The following PIK3C2G variants were observed in gnomAD, a reference collection of about 807,000 sequenced individuals.
PIK3C2G encodes phosphatidylinositol-4-phosphate 3-kinase catalytic subunit type 2 gamma, also known as phosphatidylinositol 3-kinase C2 domain-containing subunit gamma.
In PIK3C2G, 168 loss-of-function variants were observed where a neutral mutation model predicts 181.1. The observed-to-expected ratio is 0.93, with a 90% confidence interval of 0.82 to 1.05. PIK3C2G has a LOEUF of 1.05. PIK3C2G is among the 50% of genes least tolerant of loss of function. PIK3C2G has a pLI of 0.00. For missense variants in PIK3C2G, 1,869 were observed against 1,732.8 expected (o/e 1.08, Z -1.40); for synonymous variants, 573 against 592.2 (o/e 0.97, Z 0.47).
At chr12:18,394,073 A>T (rs1222036434) in intron 15 of PIK3C2G, among the ~76,000 whole-genome samples, 3 of 152,068 alleles carry the variant, frequency 2.0e-5, no homozygotes, top group Non-Finnish European at 4.4e-5. Context: ...AATAAATGTG[A>T]TTTGAGAAGC....
upstream of PIK3C2G, among the ~76,000 whole-genome samples, chr12:18,256,572 G>A (rs753018214): frequency 2.0e-5 from 3 of 151,970 alleles, no homozygotes; most frequent in Admixed American, 6.6e-5. Context: ...ATTTACTGCC[G>A]GCCCTCCTTT....
At position 18,359,203 on chromosome 12, in the gene PIK3C2G, C is replaced by T. The variant is rs74780550; in HGVS notation, c.1626-3561C>T. On this transcript the variant is annotated intron_variant, in intron 11 of 32. Coordinates refer to ENST00000538779, the MANE Select transcript of PIK3C2G (RefSeq NM_001288772.2). Reference sequence around the variant, plus strand: ...TTCTTCTTTGAACTGTTGGTTTTGCCGGAGTGTGTTGTTTAATTTCCACCT... The same window carrying T: ...TTCTTCTTTGAACTGTTGGTTTTGCTGGAGTGTGTTGTTTAATTTCCACCT... 3.6e-3 allele frequency among the ~76,000 whole-genome samples: 552 copies of T among 152,266 alleles called. 3 individuals are homozygous for T. The highest frequency in any genetic ancestry group is 0.012 in the African/African-American group (518 of 41,552).
intron 7 of PIK3C2G, 48 bp from the exon 8 acceptor site, chr12:18,324,987 A>C (rs772780048): frequency 2.1e-6 from 2 of 935,908 alleles, no homozygotes; most frequent in East Asian, 5.0e-5. Flanking sequence ...AGGTAATATA[A>C]GTTTTCCCAC....
At chr12:18,394,793 G>A (rs1033389584) in intron 15 of PIK3C2G, among the ~76,000 whole-genome samples, 2 of 151,748 alleles carry the variant, frequency 1.3e-5, no homozygotes, top group African/African-American at 2.4e-5. Context: ...TAATGAGAGC[G>A]CCTTGTAACC....
intron 26 of PIK3C2G, among the ~76,000 whole-genome samples, chr12:18,548,422 C>T (rs1944550639): frequency 6.6e-6 from 1 of 151,960 alleles, no homozygotes; most frequent in Non-Finnish European, 1.5e-5. Flanking sequence ...CAGGCCCTGG[C>T]CAAAAGAGAA....
At chr12:18,464,409 T>C (rs1937631714) in intron 18 of PIK3C2G, among the ~76,000 whole-genome samples, 1 of 152,066 alleles carries the variant, frequency 6.6e-6, no homozygotes. Flanking sequence ...TTTCAGCATA[T>C]GCATTTGGGG....
At chr12:18,639,773 G>T (rs1437790773) in intron 31 of PIK3C2G, among the ~76,000 whole-genome samples, 1 of 152,084 alleles carries the variant, frequency 6.6e-6, no homozygotes. Context: ...TGGAGGTCCA[G>T]AGATCCACCC....
intron 13 of PIK3C2G, 98 bp downstream of exon 13, chr12:18,371,409 C>A: frequency 1.0e-6 from 1 of 984,322 alleles, no homozygotes; most frequent in Non-Finnish European, 1.4e-6. Context: ...GAAATCAAGA[C>A]ATTTTATTCT....
chr12:18,400,213 C>T (rs1944168030), intron 16 of PIK3C2G, among the ~76,000 whole-genome samples: 1 of 151,908 alleles, frequency 6.6e-6, no homozygotes, highest in African/African-American at 2.4e-5. Flanking sequence ...CAAAGTTTAG[C>T]AAAATGCCCT....
intron 11 of PIK3C2G, among the ~76,000 whole-genome samples, chr12:18,361,705 G>A (rs1941251428): frequency 6.6e-6 from 1 of 152,132 alleles, no homozygotes. Flanking sequence ...GTGTCTGTCT[G>A]TGGTACTGCA....
At chr12:18,338,665 G>C (rs748140688) in intron 9 of PIK3C2G, 117 bp downstream of exon 9, 852 of 39,694 alleles carry the variant, frequency 0.021, no homozygotes, top group Non-Finnish European at 0.029. Flanking sequence ...GTGTGTATCT[G>C]TGTGTGTGTG....
At chr12:18,428,391 C>T (rs889281607) in intron 18 of PIK3C2G, among the ~76,000 whole-genome samples, 35 of 149,516 alleles carry the variant, frequency 2.3e-4, no homozygotes, top group Non-Finnish European at 1.9e-4. Flanking sequence ...TTTTTTTTCA[C>T]GTGGATGAAT....
intron 8 of PIK3C2G, among the ~76,000 whole-genome samples, chr12:18,338,047 C>T (rs190024857): frequency 2.0e-5 from 3 of 152,214 alleles, no homozygotes; most frequent in Non-Finnish European, 4.4e-5. Flanking sequence ...TTTGTGGAAA[C>T]CACAGACTTT....
chr12:18,476,338 G>A (rs1402288944), intron 18 of PIK3C2G, among the ~76,000 whole-genome samples: 3 of 152,122 alleles, frequency 2.0e-5, no homozygotes, highest in African/African-American at 7.2e-5. Flanking sequence ...CTTTATGTTT[G>A]GGGTGGAAGA....
chr12:18,354,189 A>T (rs1940493278), intron 11 of PIK3C2G, among the ~76,000 whole-genome samples: 1 of 152,232 alleles, frequency 6.6e-6, no homozygotes. Context: ...TATATCTGTC[A>T]GGGTCATCTG....
chr12:18,484,045 T>C (rs1939806236), intron 18 of PIK3C2G, among the ~76,000 whole-genome samples: 1 of 152,106 alleles, frequency 6.6e-6, no homozygotes, highest in Non-Finnish European at 1.5e-5. Context: ...CAAATCACAA[T>C]AGCCCATTTA....
At chr12:18,603,936 C>A (rs762217877) in intron 30 of PIK3C2G, among the ~76,000 whole-genome samples, 3 of 152,026 alleles carry the variant, frequency 2.0e-5, no homozygotes, top group Non-Finnish European at 4.4e-5. Flanking sequence ...ATAAATCACA[C>A]AGGACTTATG....
intron 24 of PIK3C2G, among the ~76,000 whole-genome samples, chr12:18,525,699 G>C (rs1943187846): frequency 1.3e-5 from 2 of 152,028 alleles, no homozygotes; most frequent in African/African-American, 4.8e-5. Flanking sequence ...ACATAAAATT[G>C]GCAAATGCCA....
intron 8 of PIK3C2G, among the ~76,000 whole-genome samples, chr12:18,325,475 G>A (rs942479911): frequency 7.9e-5 from 12 of 152,112 alleles, no homozygotes; most frequent in African/African-American, 2.2e-4. Flanking sequence ...TTGGGAGTCC[G>A]AGGTGTGCAG....
Sources: allele counts gnomAD v4.1 joint callset (sites outside exome capture counted in the v4.1 genomes callset), GRCh38; gene constraint gnomAD v4.1.1; transcripts MANE v1.5; gene names NCBI Gene and HGNC (gene_info 2026-07-23, HGNC 2026-07-21).